Variants in YES1 observed in about 807,000 individuals in gnomAD.
YES1 encodes the protein YES proto-oncogene 1, Src family tyrosine kinase.
A neutral mutation model predicts 70.4 loss-of-function variants in YES1; 39 were observed. The observed-to-expected ratio is 0.55, with a 90% CI of 0.43 to 0.72. The LOEUF is 0.72. YES1 is among the 30% of genes least tolerant of loss of function. The probability of loss-of-function intolerance (pLI) is 0.00; values close to 1 mark genes in which losing one functional copy is unlikely to be tolerated. For synonymous variants in YES1, 198 were observed against 218.6 expected, an observed-to-expected ratio of 0.91 and a Z score of 0.83; for missense variants, 495 against 644.8, an observed-to-expected ratio of 0.77 and a Z score of 2.52.
intron 1 of YES1, among the ~76,000 whole-genome samples, chr18:758,345 C>T (rs1904398999): frequency 6.6e-6 from 1 of 152,108 alleles, no homozygotes; most frequent in Admixed American, 6.6e-5. Context: ...CAAAGTAGAT[C>T]TATACCTTTT....
chr18:770,586 C>G (rs1160637439), intron 1 of YES1, among the ~76,000 whole-genome samples: 45 of 152,152 alleles, frequency 3.0e-4, no homozygotes. Context: ...ATTCTGATCT[C>G]TATCTCTTCA....
rs568315983 is a variant in YES1, at chr18:759,422, G to A, written c.-8-2587C>T. On this transcript the variant is annotated intron_variant, in intron 1 of 11. Coordinates refer to ENST00000314574, the MANE Select transcript of YES1 (RefSeq NM_005433.4). ...GCGGAGGTTGCAGTGAGCCAAGATT[G>A]TGCCATTGCACTCCAGCCTGGGCGA... Among the ~76,000 whole-genome samples the A allele has an allele frequency of 2.0e-4, 30 of 152,278 alleles. No individual in the cohort carries two copies. In the South Asian group the frequency reaches 6.2e-3, roughly 32 times the overall value.
At chr18:769,773 C>T (rs2145774892) in intron 1 of YES1, among the ~76,000 whole-genome samples, 2 of 152,154 alleles carry the variant, frequency 1.3e-5, no homozygotes, top group Middle Eastern at 6.8e-3. Context: ...TGAGATAAAA[C>T]CCAATTGGTC....
In YES1 at chr18:722,838, A is replaced by C. The variant is rs550438943; in HGVS notation, c.*1586T>G. ...CTGGGCGCGGTGGCTCACGCCTGTAATCCCAGCACTTTGGGAGGCCGAGGC... is the reference window on the plus strand; with the variant it reads ...CTGGGCGCGGTGGCTCACGCCTGTACTCCCAGCACTTTGGGAGGCCGAGGC... On this transcript the variant is annotated 3_prime_UTR_variant, in exon 12 of 12. Coordinates refer to ENST00000314574, the MANE Select transcript of YES1 (RefSeq NM_005433.4). The C allele has an allele frequency of 2.6e-5, 4 of 152,222 alleles. No individual in the cohort carries two copies. The highest frequency in any genetic ancestry group is 5.9e-5 in the Non-Finnish European group (4 of 68,068). The allele number at this position is 152,222 out of a possible 1,614,324, so 9.4% of individuals were successfully genotyped here.
At chr18:752,047 C>T (rs538935737) in intron 2 of YES1, among the ~76,000 whole-genome samples, 1 of 152,290 alleles carries the variant, frequency 6.6e-6, no homozygotes, top group Non-Finnish European at 1.5e-5. Context: ...TCTCCGAAGA[C>T]CTTCCATAAA....
At chr18:727,210 C>G (rs2080031426) in intron 11 of YES1, among the ~76,000 whole-genome samples, 1 of 151,952 alleles carries the variant, frequency 6.6e-6, no homozygotes, top group Non-Finnish European at 1.5e-5. Context: ...TTGAACTGAC[C>G]CTTTTATTAT....
At chr18:804,790 T>C (rs564485944) in intron 1 of YES1, among the ~76,000 whole-genome samples, 52 of 150,478 alleles carry the variant, frequency 3.5e-4, no homozygotes, top group African/African-American at 1.3e-3. Flanking sequence ...GGCACACGCC[T>C]GTAATCCCAG....
At chr18:777,097 G>A (rs1350009516) in intron 1 of YES1, among the ~76,000 whole-genome samples, 1 of 152,146 alleles carries the variant, frequency 6.6e-6, no homozygotes, top group Admixed American at 6.5e-5. Flanking sequence ...AGCAGGATGT[G>A]CAAAAGCTCA....
rs747200359 is a variant in YES1, at chr18:743,263, T to A, written c.877A>T (p.Met293Leu). The part of the protein sequence containing the change: ...LGQGCFGEVW[M>L]GTWNGTTKVA... ...AACAAAAATTCAGGCTTCTTACCCA[T>A]CCACACTTCGCCGAAACATCCTTGT... Residue 293 changes from methionine (M) to leucine (L), a missense_variant, in exon 7 of 12, where the codon ATG becomes TTG. Coordinates refer to ENST00000314574, the MANE Select transcript of YES1 (RefSeq NM_005433.4). 6.2e-7 allele frequency: 1 copy of A among 1,611,188 alleles called. No individual in the cohort carries two copies. The highest frequency in any genetic ancestry group is 1.1e-5 in the South Asian group (1 of 90,938).
At chr18:738,086 C>T (rs575096986) in intron 9 of YES1, 6 of 151,850 alleles carry the variant, frequency 4.0e-5, no homozygotes, top group African/African-American at 1.5e-4. Flanking sequence ...GCCAACCTCC[C>T]CTACCATAGA....
At chr18:765,261 TATATATATATATATATATATATATATA>T (rs1225112449) in intron 1 of YES1, among the ~76,000 whole-genome samples, 3 of 57,282 alleles carry the variant, frequency 5.2e-5, no homozygotes, top group African/African-American at 2.8e-4. Context: ...TATATATATA[TATATATATATATATATATATATATATA>T]TATATCTGTA....
chr18:789,852 A>C (rs1463985038), intron 1 of YES1, among the ~76,000 whole-genome samples: 1 of 151,786 alleles, frequency 6.6e-6, no homozygotes, highest in South Asian at 2.1e-4. Context: ...CTGAGGTCAG[A>C]AGTTTGAGAC....
chr18:775,225 G>C (rs1210018633), intron 1 of YES1: 2 of 152,138 alleles, frequency 1.3e-5, no homozygotes, highest in Non-Finnish European at 2.9e-5. Flanking sequence ...ACGAATGTTT[G>C]CAACTGTGAT....
intron 2 of YES1, among the ~76,000 whole-genome samples, chr18:754,434 C>T (rs1457133747): frequency 7.9e-5 from 12 of 152,126 alleles, no homozygotes; most frequent in African/African-American, 2.4e-4. Flanking sequence ...AGGCTGGGTG[C>T]GGTGGCTCAC....
At chr18:761,633 C>T (rs1904599895) in intron 1 of YES1, among the ~76,000 whole-genome samples, 1 of 152,138 alleles carries the variant, frequency 6.6e-6, no homozygotes. Flanking sequence ...CTATGCTTAA[C>T]CTGTCCTCCA....
chr18:798,456 A>G (rs955208599), intron 1 of YES1, among the ~76,000 whole-genome samples: 2 of 152,274 alleles, frequency 1.3e-5, no homozygotes, highest in East Asian at 1.9e-4. Context: ...CAGTGCATGC[A>G]TTAAAACAAA....
intron 2 of YES1, among the ~76,000 whole-genome samples, chr18:755,015 A>C (rs978910239): frequency 3.9e-5 from 6 of 152,340 alleles, no homozygotes; most frequent in African/African-American, 1.2e-4. Flanking sequence ...AAATTGCTTT[A>C]GGTAACTAAA....
chr18:782,141 A>G (rs1381031459), intron 1 of YES1, among the ~76,000 whole-genome samples: 1 of 151,818 alleles, frequency 6.6e-6, no homozygotes, highest in Non-Finnish European at 1.5e-5. Context: ...CACCACCTCC[A>G]TGTGTTTTAT....
At position 746,078 on chromosome 18, in the gene YES1, T is replaced by A. The variant is rs1366800710; in HGVS notation, c.471-27A>T. ...TGGAAAAAAATTAAGTGTTTTGAAT[T>A]GAAAAGTATGAGGTTCAGAAAAATT... On this transcript the variant is annotated intron_variant, in intron 4 of 11. Coordinates refer to ENST00000314574, the MANE Select transcript of YES1 (RefSeq NM_005433.4). The A allele has an allele frequency of 3.9e-6, 6 of 1,557,794 alleles. No homozygotes were observed. The African/African-American group carries it at 8.1e-5, about 21-fold the overall frequency.
Sources: allele counts gnomAD v4.1 joint callset (sites outside exome capture counted in the v4.1 genomes callset), GRCh38; gene constraint gnomAD v4.1.1; transcripts MANE v1.5; gene names NCBI Gene and HGNC (gene_info 2026-07-23, HGNC 2026-07-21).